The following C8orf34 variants were observed in gnomAD, a reference collection of about 807,000 sequenced individuals.
The protein encoded by C8orf34 is uncharacterized protein C8orf34.
Under a neutral mutation model 68.3 loss-of-function variants are expected in C8orf34, and 65 were observed. The ratio of observed to expected loss-of-function variants is 0.95; its 90% CI spans 0.78 to 1.17. The LOEUF is 1.17. C8orf34 is among the 50% of genes most tolerant of loss of function. The pLI is 0.00. For missense variants in C8orf34, 664 were observed against 655.4 expected (o/e 1.01, Z -0.14); for synonymous variants, 244 against 241.2 (o/e 1.01, Z -0.11).
intron 5 of C8orf34, among the ~76,000 whole-genome samples, chr8:68,518,594 T>C (rs965684358): frequency 3.3e-5 from 5 of 152,134 alleles, no homozygotes; most frequent in Non-Finnish European, 7.4e-5. Context: ...TTGTTGGCTT[T>C]TGATTTAGCC....
intron 12 of C8orf34, among the ~76,000 whole-genome samples, chr8:68,808,609 T>A (rs1175683106): frequency 6.6e-6 from 1 of 151,496 alleles, no homozygotes. Context: ...ACATTTATAC[T>A]GTATTAGTTA....
intron 5 of C8orf34, among the ~76,000 whole-genome samples, chr8:68,518,393 C>T (rs537035588): frequency 6.6e-6 from 1 of 152,058 alleles, no homozygotes; most frequent in East Asian, 1.9e-4. Context: ...GTTTGTATCT[C>T]TTCCCTCAAA....
chr8:68,735,301 A>G (rs1822093307), intron 10 of C8orf34, among the ~76,000 whole-genome samples: 1 of 152,136 alleles, frequency 6.6e-6, no homozygotes, highest in African/African-American at 2.4e-5. Context: ...GAACATAAGA[A>G]TTGCCCTGCT....
chr8:68,432,952 G>A (rs1379823200), intron 1 of C8orf34, among the ~76,000 whole-genome samples: 1 of 152,220 alleles, frequency 6.6e-6, no homozygotes, highest in Non-Finnish European at 1.5e-5. Context: ...TGGGCTATGA[G>A]TGCGGGTGGA....
At chr8:68,651,464 G>A (rs1819355219) in intron 8 of C8orf34, among the ~76,000 whole-genome samples, 1 of 152,062 alleles carries the variant, frequency 6.6e-6, no homozygotes, top group African/African-American at 2.4e-5. Context: ...TTGGACGTTC[G>A]AGAATATCTG....
intron 4 of C8orf34, among the ~76,000 whole-genome samples, chr8:68,470,229 A>G (rs1406597322): frequency 1.3e-5 from 2 of 152,188 alleles, no homozygotes; most frequent in East Asian, 3.9e-4. Context: ...ACATATTCGT[A>G]TTTATGAATC....
intron 1 of C8orf34, among the ~76,000 whole-genome samples, chr8:68,411,054 C>G (rs1006917655): frequency 2.0e-5 from 3 of 152,322 alleles, no homozygotes; most frequent in African/African-American, 7.2e-5. Flanking sequence ...ATTCTTCATA[C>G]TTCCAGAATT....
intron 8 of C8orf34, among the ~76,000 whole-genome samples, chr8:68,659,072 C>T (rs934146583): frequency 2.0e-5 from 3 of 152,104 alleles, no homozygotes; most frequent in East Asian, 1.9e-4. Context: ...CCTTCCTCAA[C>T]CCCTTCTGTC....
chr8:68,755,857 C>A (rs897529130), intron 10 of C8orf34, among the ~76,000 whole-genome samples: 1 of 151,354 alleles, frequency 6.6e-6, no homozygotes, highest in African/African-American at 2.4e-5. Flanking sequence ...GTCAGGAGGT[C>A]GAGACCATCC....
intron 7 of C8orf34, among the ~76,000 whole-genome samples, chr8:68,623,371 G>C (rs1468759552): frequency 6.6e-6 from 1 of 152,022 alleles, no homozygotes; most frequent in Admixed American, 6.6e-5. Context: ...ACTTGTGGGG[G>C]GCTGGCCTCT....
At chr8:68,398,067 C>T (rs1018483087) in intron 1 of C8orf34, among the ~76,000 whole-genome samples, 2 of 152,110 alleles carry the variant, frequency 1.3e-5, no homozygotes, top group Admixed American at 6.6e-5. Context: ...CTGCACCTGG[C>T]CTGTCTCTAT....
chr8:68,688,229 G>A (rs768605731), intron 8 of C8orf34, among the ~76,000 whole-genome samples: 1 of 151,964 alleles, frequency 6.6e-6, no homozygotes, highest in Non-Finnish European at 1.5e-5. Context: ...ATAAGTAAAA[G>A]CAGATCCCAG....
intron 10 of C8orf34, among the ~76,000 whole-genome samples, chr8:68,754,686 A>T (rs1054662706): frequency 6.6e-6 from 1 of 152,140 alleles, no homozygotes; most frequent in African/African-American, 2.4e-5. Flanking sequence ...TACGATGACC[A>T]CTCTAAAAGT....
chr8:68,700,261 C>T lies in C8orf34; in HGVS notation c.1242-8733C>T, dbSNP rs190552785. On this transcript the variant is annotated intron_variant, in intron 8 of 13. Coordinates refer to ENST00000518698, the MANE Select transcript of C8orf34 (RefSeq NM_052958.4). ...GAAAAGAAGATTTGGGGAGGTAGAG[C>T]TGTGTCTGGGATGCAGGGATATCTG... 4.0e-3 allele frequency among the ~76,000 whole-genome samples: 614 copies of T among 152,160 alleles called. 4 individuals are homozygous for T. The highest frequency in any genetic ancestry group is 7.5e-3 in the Non-Finnish European group (513 of 67,988).
intron 7 of C8orf34, among the ~76,000 whole-genome samples, chr8:68,621,572 A>G (rs1818390548): frequency 6.6e-6 from 1 of 152,220 alleles, no homozygotes; most frequent in Admixed American, 6.5e-5. Context: ...TTGGCCAAAT[A>G]TTAACATTTG....
chr8:68,331,585 G>C (rs1805595474), intron 1 of C8orf34: 2 of 534,270 alleles, frequency 3.7e-6, no homozygotes, highest in Non-Finnish European at 6.9e-6. Flanking sequence ...CCCAGCCTCA[G>C]CCTGGCAGGG....
At chr8:68,768,150 A>G (rs1269660679) in intron 10 of C8orf34, among the ~76,000 whole-genome samples, 2 of 152,194 alleles carry the variant, frequency 1.3e-5, no homozygotes, top group African/African-American at 2.4e-5. Context: ...GCTAAGCTCA[A>G]ATTGTCCCAT....
At chr8:68,387,079 G>A (rs1808292654) in intron 1 of C8orf34, among the ~76,000 whole-genome samples, 1 of 152,030 alleles carries the variant, frequency 6.6e-6, no homozygotes, top group Non-Finnish European at 1.5e-5. Context: ...CACATGCAGT[G>A]TTTTCTTGGA....
At chr8:68,512,634 A>G (rs916783976) in intron 5 of C8orf34, among the ~76,000 whole-genome samples, 4 of 152,164 alleles carry the variant, frequency 2.6e-5, no homozygotes, top group Admixed American at 2.6e-4. Context: ...TATTTAGTCA[A>G]TATGTTCACA....
Sources: gnomAD v4.1 joint callset for allele counts (sites outside exome capture counted in the v4.1 genomes callset) on GRCh38, gnomAD v4.1.1 for gene constraint, MANE v1.5 for transcripts, NCBI Gene and HGNC (gene_info 2026-07-23, HGNC 2026-07-21) for gene names.